The following EIF3E variants were observed in gnomAD, a reference collection of about 807,000 sequenced individuals.
The protein encoded by EIF3E is eukaryotic translation initiation factor 3 subunit E.
Under a neutral mutation model 59.3 loss-of-function variants are expected in EIF3E, and 25 were observed. The observed-to-expected ratio is 0.42, with a 90% CI of 0.31 to 0.59. The LOEUF (loss-of-function observed/expected upper bound fraction) is 0.59. EIF3E is among the 20% of genes least tolerant of loss of function. The pLI is 0.15. For synonymous variants in EIF3E, 176 were observed against 170.2 expected (o/e 1.03, Z -0.26); for missense variants, 317 against 534.3 (o/e 0.59, Z 4.01).
chr8:108,208,238 AT>A (rs2129847343), intron 10 of EIF3E, among the ~76,000 whole-genome samples: 1 of 152,230 alleles, frequency 6.6e-6, no homozygotes, highest in South Asian at 2.1e-4. Flanking sequence ...GGCTTTCCAA[AT>A]TTTATCTGAT....
intron 7 of EIF3E, among the ~76,000 whole-genome samples, chr8:108,218,278 C>T (rs773182284): frequency 2.0e-5 from 3 of 152,196 alleles, no homozygotes; most frequent in Non-Finnish European, 2.9e-5. Context: ...ACAGCTTCCT[C>T]TCTCTTTTCT....
intron 12 of EIF3E, 72 bp from the exon 13 acceptor site, chr8:108,201,995 G>C: frequency 7.2e-7 from 1 of 1,380,392 alleles, no homozygotes; most frequent in Admixed American, 2.5e-5. Context: ...ATAGAAGAAA[G>C]TAACACAGCA....
rs3075616 is a variant in EIF3E, at chr8:108,234,960, C to CAAAAAAAAAA, written c.471+28_471+37dup. ...AGAACCAAGGGAATCCTACAAAAGA[C>CAAAAAAAAAA]AAAAAAAAAAAAAAAAAAAACATGT... On this transcript the variant is annotated intron_variant, in intron 5 of 12. Transcript: ENST00000220849. 9.5e-5 allele frequency: 83 copies of CAAAAAAAAAA among 873,836 alleles called. 1 individual carries two copies. The highest frequency in any genetic ancestry group is 2.6e-4 in the East Asian group (8 of 30,984). The allele number at this position is 873,836 out of a possible 1,614,324, so 54.1% of individuals were successfully genotyped here.
chr8:108,215,348 G>A (rs1286087065), intron 9 of EIF3E, among the ~76,000 whole-genome samples: 1 of 152,104 alleles, frequency 6.6e-6, no homozygotes, highest in African/African-American at 2.4e-5. Context: ...GCCAGGTGCG[G>A]TGGCTGACGC....
chr8:108,220,112 C>G (rs981306128), intron 7 of EIF3E, among the ~76,000 whole-genome samples: 3 of 150,826 alleles, frequency 2.0e-5, no homozygotes, highest in Non-Finnish European at 4.4e-5. Flanking sequence ...CACTGCACTC[C>G]AGGCCTGGGC....
At chr8:108,210,325 G>C (rs892625555) in intron 10 of EIF3E, among the ~76,000 whole-genome samples, 9 of 152,114 alleles carry the variant, frequency 5.9e-5, no homozygotes, top group African/African-American at 1.7e-4. Context: ...GCATCACAGA[G>C]ATTTTGATTC....
At chr8:108,218,179 ATT>A (rs1177031667) in intron 7 of EIF3E, among the ~76,000 whole-genome samples, 1 of 111,794 alleles carries the variant, frequency 8.9e-6, no homozygotes, top group African/African-American at 3.7e-5. Flanking sequence ...ATATCTCAGA[ATT>A]ATCTGTCAAT....
chr8:108,234,906 A>G (rs1458785421), intron 5 of EIF3E, 92 bp downstream of exon 5: 24 of 711,596 alleles, frequency 3.4e-5, no homozygotes, highest in Non-Finnish European at 4.9e-5. Context: ...TAATGAACAG[A>G]CCCAAATCTA....
At chr8:108,242,755 C>T in intron 1 of EIF3E, 2 of 792,074 alleles carry the variant, frequency 2.5e-6, no homozygotes, top group Non-Finnish European at 3.1e-6. Flanking sequence ...AGGCACTTCG[C>T]AAAAGAAGAC....
At chr8:108,248,025 TGG>T (rs371217842) in intron 1 of EIF3E, among the ~76,000 whole-genome samples, 49 of 26,310 alleles carry the variant, frequency 1.9e-3, no homozygotes, top group African/African-American at 3.3e-3. Flanking sequence ...GGATTTTTTC[TGG>T]GGGGGGGGGC....
chr8:108,223,095 G>GT (rs1266149694), intron 7 of EIF3E, among the ~76,000 whole-genome samples: 6 of 152,124 alleles, frequency 3.9e-5, no homozygotes, highest in African/African-American at 1.4e-4. Flanking sequence ...AACTCTGTCT[G>GT]TAACTATGCT....
chr8:108,216,545 C>A, intron 8 of EIF3E, 32 bp from the exon 9 acceptor site: 1 of 1,445,560 alleles, frequency 6.9e-7, no homozygotes, highest in South Asian at 1.2e-5. Context: ...CAAGGTAAGT[C>A]TGATTCAACA....
chr8:108,225,548 CA>C (rs1802670389), intron 7 of EIF3E, among the ~76,000 whole-genome samples: 1 of 151,432 alleles, frequency 6.6e-6, no homozygotes, highest in Non-Finnish European at 1.5e-5. Flanking sequence ...CTTAGGATCC[CA>C]AAAAGTTTAA....
intron 1 of EIF3E, among the ~76,000 whole-genome samples, chr8:108,246,177 G>A (rs1349789236): frequency 6.6e-6 from 1 of 151,728 alleles, no homozygotes; most frequent in African/African-American, 2.4e-5. Context: ...TACCCAGAAG[G>A]GCGAACAATT....
At chr8:108,224,969 AC>A (rs754291609) in intron 7 of EIF3E, among the ~76,000 whole-genome samples, 11 of 151,660 alleles carry the variant, frequency 7.3e-5, no homozygotes, top group Non-Finnish European at 1.3e-4. Context: ...AAAAACTTCA[AC>A]CCTTAAGTAC....
At chr8:108,226,137 T>C (rs952393330) in intron 7 of EIF3E, 8 of 152,078 alleles carry the variant, frequency 5.3e-5, no homozygotes, top group African/African-American at 1.9e-4. Context: ...ATTGAGGACT[T>C]ACTGTATACA....
intron 2 of EIF3E, among the ~76,000 whole-genome samples, chr8:108,240,607 C>T (rs978900940): frequency 2.6e-5 from 4 of 152,198 alleles, no homozygotes; most frequent in Admixed American, 2.0e-4. Context: ...CAAATTCTAT[C>T]GTTCCTTTTA....
chr8:108,229,300 G>C, intron 5 of EIF3E, 105 bp from the exon 6 acceptor site: 6 of 1,135,486 alleles, frequency 5.3e-6, no homozygotes, highest in Non-Finnish European at 7.1e-6. Context: ...AAGACCTATA[G>C]CTTTCTACAA....
intron 10 of EIF3E, among the ~76,000 whole-genome samples, chr8:108,204,252 A>G (rs1333026854): frequency 6.6e-6 from 1 of 152,112 alleles, no homozygotes; most frequent in South Asian, 2.1e-4. Context: ...ACACTTGTAC[A>G]GATATATTTA....
Sources: allele counts gnomAD v4.1 joint callset (sites outside exome capture counted in the v4.1 genomes callset), GRCh38; gene constraint gnomAD v4.1.1; transcripts MANE v1.5; gene names NCBI Gene and HGNC (gene_info 2026-07-23, HGNC 2026-07-21).